The following SV2C variants were observed in gnomAD, a reference collection of about 807,000 sequenced individuals.
SV2C encodes the protein solute carrier family 22 member B3.
Under a neutral mutation model 79.7 loss-of-function variants are expected in SV2C, and 49 were observed. The ratio of observed to expected loss-of-function variants is 0.61; its 90% CI spans 0.49 to 0.78. The LOEUF (loss-of-function observed/expected upper bound fraction) is 0.78, where lower values mean the gene tolerates loss of function less well. Among genes scored for constraint, SV2C ranks in the 30% least tolerant of loss-of-function variants. The pLI, the probability that SV2C is intolerant of heterozygous loss-of-function variation, is 0.00. For synonymous variants in SV2C, 334 were observed against 333.2 expected (o/e 1.00, Z -0.03); for missense variants, 833 against 912.9 (o/e 0.91, Z 1.13).
At chr5:76,072,896 T>C in the SV2C span, among the ~76,000 whole-genome samples, 3,808 of 152,336 alleles carry the variant, frequency 0.025, 174 homozygotes, top group African/African-American at 0.088. Context: ...GTTATTTGTA[T>C]GTCTTCTTTG....
chr5:75,954,258 A>G, the SV2C span, among the ~76,000 whole-genome samples: 1 of 151,968 alleles, frequency 6.6e-6, no homozygotes, highest in African/African-American at 2.4e-5. Context: ...TTTCTTAAGT[A>G]CTTTAATGTG....
the SV2C span, among the ~76,000 whole-genome samples, chr5:75,930,104 T>TCCAGTCCCTACTATTTTTCCC: frequency 1.3e-5 from 2 of 152,192 alleles, no homozygotes; most frequent in Non-Finnish European, 2.9e-5. Flanking sequence ...TCCTTTTTCC[T>TCCAGTCCCTACTATTTTTCCC]CCAGTCCCTA....
At chr5:76,035,500 G>A in the SV2C span, among the ~76,000 whole-genome samples, 367 of 152,046 alleles carry the variant, frequency 2.4e-3, 3 homozygotes, top group African/African-American at 8.4e-3. Context: ...CCTTCATTTC[G>A]TTATGTACCC....
At chr5:75,974,764 C>T in the SV2C span, among the ~76,000 whole-genome samples, 5 of 152,128 alleles carry the variant, frequency 3.3e-5, no homozygotes, top group African/African-American at 1.2e-4. Context: ...CAAAATATAC[C>T]TATAGCGTAT....
intron 12 of SV2C, among the ~76,000 whole-genome samples, chr5:76,318,405 G>A (rs1214255985): frequency 2.6e-5 from 4 of 151,872 alleles, no homozygotes; most frequent in African/African-American, 9.7e-5. Context: ...GCAATAGAGT[G>A]AGACTCCATC....
upstream of SV2C, among the ~76,000 whole-genome samples, chr5:76,081,397 T>G (rs1156809566): frequency 2.0e-5 from 3 of 152,180 alleles, no homozygotes; most frequent in African/African-American, 4.8e-5. Context: ...ATAAATAACA[T>G]GCGGGGAATC....
chr5:76,114,502 A>G (rs1748199624), intron 1 of SV2C, among the ~76,000 whole-genome samples: 1 of 152,212 alleles, frequency 6.6e-6, no homozygotes, highest in Non-Finnish European at 1.5e-5. Flanking sequence ...AGGTCCAGGA[A>G]AATGTGTTTT....
intron 2 of SV2C, among the ~76,000 whole-genome samples, chr5:76,182,174 G>A (rs974018178): frequency 6.6e-6 from 1 of 152,086 alleles, no homozygotes; most frequent in African/African-American, 2.4e-5. Context: ...TGATTTGCAT[G>A]TGTTGCCTGC....
intron 1 of SV2C, among the ~76,000 whole-genome samples, chr5:76,099,283 C>T (rs956180758): frequency 4.6e-5 from 7 of 151,924 alleles, no homozygotes; most frequent in African/African-American, 1.7e-4. Flanking sequence ...AAATGTATAC[C>T]TGAGCTCCTG....
At chr5:75,996,808 C>G in the SV2C span, among the ~76,000 whole-genome samples, 1 of 149,992 alleles carries the variant, frequency 6.7e-6, no homozygotes, top group African/African-American at 2.5e-5. Context: ...TGTATAGGAA[C>G]GCTTGTGATT....
the SV2C span, among the ~76,000 whole-genome samples, chr5:76,054,206 A>G: frequency 6.6e-6 from 1 of 151,910 alleles, no homozygotes; most frequent in Non-Finnish European, 1.5e-5. Flanking sequence ...ATGTGTTCCC[A>G]TTGTTCCACA....
chr5:76,113,686 A>C (rs1748166545), intron 1 of SV2C, among the ~76,000 whole-genome samples: 2 of 152,134 alleles, frequency 1.3e-5, no homozygotes, highest in Non-Finnish European at 2.9e-5. Context: ...GAAATTCCAC[A>C]ATTTACCCAT....
the SV2C span, among the ~76,000 whole-genome samples, chr5:75,937,662 T>C: frequency 6.6e-6 from 1 of 152,098 alleles, no homozygotes; most frequent in African/African-American, 2.4e-5. Flanking sequence ...CGAGCTGTGA[T>C]AACGTCACCA....
At chr5:75,913,856 C>T in the SV2C span, among the ~76,000 whole-genome samples, 1 of 151,934 alleles carries the variant, frequency 6.6e-6, no homozygotes, top group Non-Finnish European at 1.5e-5. Flanking sequence ...TGAGGCTAAG[C>T]TATATTTCAG....
chr5:76,269,961 T>C (rs139818245), intron 4 of SV2C, among the ~76,000 whole-genome samples: 1 of 152,302 alleles, frequency 6.6e-6, no homozygotes, highest in African/African-American at 2.4e-5. Context: ...TAGGAACTTA[T>C]TTCTGAGCCA....
chr5:75,947,741 C>T, the SV2C span, among the ~76,000 whole-genome samples: 1 of 151,932 alleles, frequency 6.6e-6, no homozygotes, highest in Non-Finnish European at 1.5e-5. Context: ...AAATATAACC[C>T]CTTATTAATG....
At chr5:76,273,399 GT>G (rs1193980164) in intron 4 of SV2C, among the ~76,000 whole-genome samples, 1 of 151,710 alleles carries the variant, frequency 6.6e-6, no homozygotes, top group Non-Finnish European at 1.5e-5. Context: ...AGTCTTACAT[GT>G]TGGCCCCAGG....
At chr5:75,910,487 T>C in the SV2C span, 10,882 of 609,922 alleles carry the variant, frequency 0.018, 350 homozygotes, top group African/African-American at 0.099. Flanking sequence ...CTTGTATAGC[T>C]TGTGGTCTTC....
In SV2C at chr5:76,330,985, T is replaced by C. The variant is rs1219059768; in HGVS notation, c.*5438T>C. Reference sequence around the variant, plus strand: ...AATTCTCCTGCCTCAGCCTCCCAGGTAGCTGGGATTACAGGTGCATGCCAC... The same window carrying C: ...AATTCTCCTGCCTCAGCCTCCCAGGCAGCTGGGATTACAGGTGCATGCCAC... On this transcript the variant is annotated 3_prime_UTR_variant, in exon 13 of 13. Coordinates refer to ENST00000502798, the MANE Select transcript of SV2C (RefSeq NM_014979.4). 1 of 152,106 alleles carries C rather than the reference T, an allele frequency of 6.6e-6. No homozygotes were observed. Among genetic ancestry groups the C allele is most frequent in the Non-Finnish European group, 1.5e-5 (1 of 68,072 alleles). The allele number at this position is 152,106 out of a possible 1,614,324, so 9.4% of individuals were successfully genotyped here. A position where few individuals can be genotyped will look rare whatever the true frequency, so the allele number is the denominator to read the frequency against.
Sources: allele counts gnomAD v4.1 joint callset (sites outside exome capture counted in the v4.1 genomes callset), GRCh38; gene constraint gnomAD v4.1.1; transcripts MANE v1.5; gene names NCBI Gene and HGNC (gene_info 2026-07-23, HGNC 2026-07-21).